PTPRM: variants seen among roughly 807,000 people sequenced by gnomAD.
PTPRM encodes receptor-type tyrosine-protein phosphatase mu.
Under a neutral mutation model 186.7 loss-of-function variants are expected in PTPRM, and 47 were observed. The ratio of observed to expected loss-of-function variants is 0.25; its 90% CI spans 0.20 to 0.32. The LOEUF (loss-of-function observed/expected upper bound fraction) is 0.32. Ranked by LOEUF, PTPRM falls within the 10% of genes least tolerant of loss-of-function variation. The pLI, the probability that PTPRM is intolerant of heterozygous loss-of-function variation, is 1.00. For synonymous variants in PTPRM, 668 were observed against 674.9 expected (o/e 0.99, Z 0.16); for missense variants, 1,494 against 1,865.0 (o/e 0.80, Z 3.66).
intron 14 of PTPRM, among the ~76,000 whole-genome samples, chr18:8,150,447 T>C (rs982572270): frequency 1.3e-5 from 2 of 152,144 alleles, no homozygotes; most frequent in African/African-American, 4.8e-5. Context: ...CGGCTATTGA[T>C]ACTTGTGTAT....
At chr18:8,321,944 G>T (rs1435066041) in intron 22 of PTPRM, among the ~76,000 whole-genome samples, 1 of 152,014 alleles carries the variant, frequency 6.6e-6, no homozygotes, top group Non-Finnish European at 1.5e-5. Context: ...TCACTAATTG[G>T]CATGGACAGG....
At chr18:7,803,273 G>A (rs2145381667) in intron 2 of PTPRM, among the ~76,000 whole-genome samples, 1 of 152,296 alleles carries the variant, frequency 6.6e-6, no homozygotes, top group Admixed American at 6.5e-5. Context: ...GCTTCTGGAG[G>A]CTCTCAGGGA....
intron 14 of PTPRM, among the ~76,000 whole-genome samples, chr18:8,158,207 T>C (rs1048292239): frequency 2.6e-5 from 4 of 152,244 alleles, no homozygotes; most frequent in Admixed American, 6.5e-5. Flanking sequence ...AGCCCTAGAC[T>C]TCTTAAAAGG....
chr18:7,962,683 G>A (rs1363391440), intron 7 of PTPRM, among the ~76,000 whole-genome samples: 1 of 152,120 alleles, frequency 6.6e-6, no homozygotes, highest in Non-Finnish European at 1.5e-5. Flanking sequence ...GGCTGACCTC[G>A]CTGCTATTTA....
At chr18:8,042,980 G>A (rs1257749968) in intron 7 of PTPRM, among the ~76,000 whole-genome samples, 2 of 152,046 alleles carry the variant, frequency 1.3e-5, no homozygotes, top group African/African-American at 4.8e-5. Flanking sequence ...ACCGCCTACA[G>A]CTGCTTATTG....
intron 7 of PTPRM, among the ~76,000 whole-genome samples, chr18:7,957,506 G>T: frequency 6.6e-6 from 1 of 152,190 alleles, no homozygotes; most frequent in East Asian, 1.9e-4. Context: ...TTTGCAGCCT[G>T]CAGTTGGCAC....
intron 1 of PTPRM, among the ~76,000 whole-genome samples, chr18:7,745,325 A>G (rs966143915): frequency 1.5e-4 from 23 of 152,232 alleles, no homozygotes; most frequent in Admixed American, 1.4e-3. Flanking sequence ...TCCATGATCC[A>G]GAAGGTCCAG....
intron 19 of PTPRM, among the ~76,000 whole-genome samples, chr18:8,293,219 A>T (rs909332876): frequency 6.6e-6 from 1 of 152,230 alleles, no homozygotes; most frequent in African/African-American, 2.4e-5. Flanking sequence ...TTATTATTTC[A>T]TTTGTTGATT....
chr18:7,842,947 T>TATATATATATATATAGAGAGAGAGAGAG (rs370746043), intron 2 of PTPRM, among the ~76,000 whole-genome samples: 1 of 112,128 alleles, frequency 8.9e-6, no homozygotes, highest in African/African-American at 4.2e-5. Context: ...TATATATATA[T>TATATATATATATATAGAGAGAGAGAGAG]AGAGAGAGAG....
intron 7 of PTPRM, among the ~76,000 whole-genome samples, chr18:8,025,518 G>A (rs2085515361): frequency 6.6e-6 from 1 of 152,116 alleles, no homozygotes. Context: ...TCTGGTAAAA[G>A]GTGAATACAC....
In PTPRM at chr18:8,266,798, C is replaced by T. The variant is rs534215179; in HGVS notation, c.2754+13384C>T. Among the ~76,000 whole-genome samples, 100 of 152,134 alleles carry T rather than the reference C, an allele frequency of 6.6e-4. 1 individual carries two copies. In the South Asian group the frequency reaches 0.011, roughly 17 times the overall value. ...TGGCAGGTACCTGTAGTCCCAGCTACTTGGGAGGCTGAGGCAGGAGAATTG... is the reference window on the plus strand; with the variant it reads ...TGGCAGGTACCTGTAGTCCCAGCTATTTGGGAGGCTGAGGCAGGAGAATTG... On this transcript the variant is annotated intron_variant, in intron 19 of 32. Transcript: ENST00000580170.
intron 14 of PTPRM, among the ~76,000 whole-genome samples, chr18:8,147,570 T>A (rs1286799008): frequency 2.6e-5 from 4 of 152,342 alleles, no homozygotes; most frequent in Non-Finnish European, 5.9e-5. Flanking sequence ...GTTTTCTAAA[T>A]GCACAATCAT....
In PTPRM at chr18:7,973,912, AT is replaced by A. The variant is rs536855132; in HGVS notation, c.1132+18506del. On this transcript the variant is annotated intron_variant, in intron 7 of 32. Coordinates refer to ENST00000580170, the MANE Select transcript of PTPRM (RefSeq NM_001105244.2). ...AGATATTTTTCTACATTTTTGTTGA[AT>A]TTTTTTTAGAACTTATTTTTATACT... Among the ~76,000 whole-genome samples, 747 of 151,540 alleles carry A rather than the reference AT, an allele frequency of 4.9e-3. 7 individuals are homozygous for A. Among genetic ancestry groups the A allele is most frequent in the African/African-American group, 0.017 (707 of 41,358 alleles).
intron 4 of PTPRM, among the ~76,000 whole-genome samples, chr18:7,914,676 G>C (rs2146653064): frequency 6.6e-6 from 1 of 152,150 alleles, no homozygotes; most frequent in South Asian, 2.1e-4. Context: ...GCTGCTAATG[G>C]TAAACCTCTA....
At chr18:7,760,284 GGAAGCAAA>G (rs1438052652) in intron 1 of PTPRM, among the ~76,000 whole-genome samples, 1 of 152,076 alleles carries the variant, frequency 6.6e-6, no homozygotes, top group Non-Finnish European at 1.5e-5. Flanking sequence ...TGTCTTTAAG[GGAAGCAAA>G]GAAAAAAATA....
At chr18:7,987,845 C>A (rs1421830494) in intron 7 of PTPRM, among the ~76,000 whole-genome samples, 1 of 152,002 alleles carries the variant, frequency 6.6e-6, no homozygotes, top group African/African-American at 2.4e-5. Context: ...AGAAACTTTT[C>A]ATTCTTTCTT....
intron 1 of PTPRM, among the ~76,000 whole-genome samples, chr18:7,581,881 A>G (rs774178335): frequency 6.6e-6 from 1 of 151,944 alleles, no homozygotes; most frequent in Non-Finnish European, 1.5e-5. Flanking sequence ...ACTAGTCTCA[A>G]GCTCCTCGCC....
chr18:8,164,406 A>G (rs2146374204), intron 14 of PTPRM, among the ~76,000 whole-genome samples: 1 of 152,368 alleles, frequency 6.6e-6, no homozygotes, highest in South Asian at 2.1e-4. Context: ...ACCTCTGTTC[A>G]TGCAGTATTA....
chr18:8,306,050 A>G (rs547136352), intron 20 of PTPRM, among the ~76,000 whole-genome samples: 225 of 152,090 alleles, frequency 1.5e-3, no homozygotes, highest in Non-Finnish European at 2.1e-3. Context: ...GGCGCGCATC[A>G]CCACACCTGG....
Sources: gnomAD v4.1 joint callset for allele counts (sites outside exome capture counted in the v4.1 genomes callset) on GRCh38, gnomAD v4.1.1 for gene constraint, MANE v1.5 for transcripts, NCBI Gene and HGNC (gene_info 2026-07-23, HGNC 2026-07-21) for gene names.